The following HYPK variants were observed in gnomAD, a reference collection of about 807,000 sequenced individuals.
The protein encoded by HYPK is huntingtin interacting protein K, also known as huntingtin-interacting protein K.
In HYPK, 9 loss-of-function variants were observed where a neutral mutation model predicts 13.9. That is an observed-to-expected ratio of 0.65 (90% CI 0.39 to 1.13). HYPK has a LOEUF of 1.13. Among genes scored for constraint, HYPK ranks in the 50% most tolerant of loss-of-function variants. HYPK has a pLI of 0.01. For synonymous variants in HYPK, 76 were observed against 57.0 expected, an observed-to-expected ratio of 1.33 and a Z score of -1.50; for missense variants, 138 against 157.6, an observed-to-expected ratio of 0.88 and a Z score of 0.67.
rs1054689176 is a variant in HYPK, at chr15:43,803,583, A to T, written c.*1777A>T. On this transcript the variant is annotated 3_prime_UTR_variant, in exon 4 of 4. Coordinates refer to ENST00000442995, the MANE Select transcript of HYPK (RefSeq NM_016400.4). ...GGCAGGTGGATCACCTGGGATCAGG[A>T]GTTTGAGACGAGCCTGGCCAAAATG... Among the ~76,000 whole-genome samples the T allele has an allele frequency of 6.6e-6, 1 of 152,122 alleles. No homozygotes were observed. Among genetic ancestry groups the T allele is most frequent in the Non-Finnish European group, 1.5e-5 (1 of 68,028 alleles).
At chr15:43,800,480 CCTTCCTCCCTGAAG>C (rs775246866), upstream of HYPK, 39 of 1,143,160 alleles carry the variant, frequency 3.4e-5, no homozygotes, top group African/African-American at 5.7e-4. Flanking sequence ...AGACGAACCG[CCTTCCTCCCTGAAG>C]CTTCTAGAAC....
rs2087338381 is a variant in HYPK, at chr15:43,803,247, C to T, written c.*1441C>T. ...CTACTAAAATTAAAAAAAAAAAAAG[C>T]CAGGCATGGTGGCATGTGCCTGTCT... On this transcript the variant is annotated 3_prime_UTR_variant, in exon 4 of 4. Coordinates refer to ENST00000442995, the MANE Select transcript of HYPK (RefSeq NM_016400.4). Among the ~76,000 whole-genome samples the T allele has an allele frequency of 6.6e-6, 1 of 151,206 alleles. No homozygotes were observed. The highest frequency in any genetic ancestry group is 2.4e-5 in the African/African-American group (1 of 41,130).
chr15:43,800,608 C>G lies in HYPK; in HGVS notation c.-15C>G. 2 of 1,613,920 alleles carry G rather than the reference C, an allele frequency of 1.2e-6. No individual in the cohort carries two copies. The highest frequency in any genetic ancestry group is 1.7e-6 in the Non-Finnish European group (2 of 1,179,974). On this transcript the variant is annotated 5_prime_UTR_variant, in exon 1 of 4. Coordinates refer to ENST00000442995, the MANE Select transcript of HYPK (RefSeq NM_016400.4). ...GCGTGAGGTGGGGCTTATGCGGCGG[C>G]GTGGTGAAATAGATATGGCGACCGA...
At position 43,802,573 on chromosome 15, in the gene HYPK, A is replaced by G. The variant is rs1385248404; in HGVS notation, c.*767A>G. On this transcript the variant is annotated 3_prime_UTR_variant, in exon 4 of 4. Transcript: ENST00000442995. Reference sequence around the variant, plus strand: ...GGAAAGAGTGAAACTCCATCTCAAAAAAAAAAAAAAAAAAAAAAGCCCGGG... The same window carrying G: ...GGAAAGAGTGAAACTCCATCTCAAAGAAAAAAAAAAAAAAAAAAGCCCGGG... 5.0e-5 allele frequency: 7 copies of G among 141,050 alleles called. No homozygotes were observed. Among genetic ancestry groups the G allele is most frequent in the Non-Finnish European group, 9.0e-5 (6 of 66,318 alleles). 8.7% of individuals were successfully genotyped at this position (141,050 alleles called of 1,614,324 possible).
rs1344570150 is a variant in HYPK, at chr15:43,803,742, C to T, written c.*1936C>T. On this transcript the variant is annotated 3_prime_UTR_variant, in exon 4 of 4. Coordinates refer to ENST00000442995, the MANE Select transcript of HYPK (RefSeq NM_016400.4). ...CCAGGAGGTTGCAGTGAGCAGAGATCGCGCCACTGCACTCCAGACTGGGCA... is the reference window on the plus strand; with the variant it reads ...CCAGGAGGTTGCAGTGAGCAGAGATTGCGCCACTGCACTCCAGACTGGGCA... Among the ~76,000 whole-genome samples, 5 of 142,532 alleles carry T rather than the reference C, an allele frequency of 3.5e-5. No homozygotes were observed. Among genetic ancestry groups the T allele is most frequent in the East Asian group, 2.2e-4 (1 of 4,638 alleles). The allele number at this position is 142,532 out of a possible 152,430, so 93.5% of individuals were successfully genotyped here.
Position 43,804,104 on chromosome 15 carries a change from C to CA in HYPK, c.*2308dup, listed in dbSNP as rs72065548. 2.0e-3 allele frequency among the ~76,000 whole-genome samples: 291 copies of CA among 148,024 alleles called. 1 individual carries two copies. Among genetic ancestry groups the CA allele is most frequent in the South Asian group, 0.016 (74 of 4,686 alleles). Reference sequence around the variant, plus strand: ...CGTCTCTTTAAAACAAACAAACAAACAAAAAAAAAACCCTGCAACGGCCCC... The same window carrying CA: ...CGTCTCTTTAAAACAAACAAACAAACAAAAAAAAAAACCCTGCAACGGCCCC... On this transcript the variant is annotated 3_prime_UTR_variant, in exon 4 of 4. Coordinates refer to ENST00000442995, the MANE Select transcript of HYPK (RefSeq NM_016400.4).
In HYPK at chr15:43,801,564, C is replaced by CT. The variant is rs1224945001; in HGVS notation, c.266dup (p.Ile90AsnfsTer4). The CT allele has an allele frequency of 3.7e-6, 6 of 1,613,806 alleles. No individual in the cohort carries two copies. The highest frequency in any genetic ancestry group is 5.1e-6 in the Non-Finnish European group (6 of 1,179,692). ...CACTATCAAGAAGGAAGATCTGGAG[C>CT]TAATAGTGAGTGGTAGTGCCTAACT... is the stretch of plus-strand genomic sequence containing the variant. On this transcript the variant is annotated frameshift_variant, in exon 3 of 4. Transcript: ENST00000442995. LOFTEE classifies it high-confidence loss of function.
rs2087323543 is a variant in HYPK, at chr15:43,801,997, TGTA to T, written c.*193_*195del. The T allele has an allele frequency of 2.0e-5, 12 of 595,856 alleles. 1 individual carries two copies. The South Asian group carries it at 2.4e-4, about 12-fold the overall frequency. The allele number at this position is 595,856 out of a possible 1,614,324, so 36.9% of individuals were successfully genotyped here. On this transcript the variant is annotated 3_prime_UTR_variant, in exon 4 of 4. Coordinates refer to ENST00000442995, the MANE Select transcript of HYPK (RefSeq NM_016400.4). Reference sequence around the variant, plus strand: ...CTAGCACACCTGTATGAAAAATCAGTGTAGAAGAATACCTCATGTGCAGATGCT... The same window carrying T: ...CTAGCACACCTGTATGAAAAATCAGTGAAGAATACCTCATGTGCAGATGCT...
Position 43,801,727 on chromosome 15 carries a change from T to G in HYPK, c.287T>G (p.Ile96Arg). ...TTTCTGCAGATGACTGAGATGGAGA[T>G]ATCTCGAGCAGCAGCAGAACGCAGT... ...DLELIMTEME[I>R]SRAAAERSLR... Residue 96 changes from isoleucine to arginine, a missense_variant, in exon 4 of 4, where the codon ATA (isoleucine) becomes AGA (arginine). Physicochemically the swap from Ile to Arg is moderately conservative, Grantham distance 97. Transcript: ENST00000442995. The G allele has an allele frequency of 6.2e-7, 1 of 1,614,200 alleles. No homozygotes were observed. The highest frequency in any genetic ancestry group is 8.5e-7 in the Non-Finnish European group (1 of 1,180,032).
Position 43,801,557 on chromosome 15 carries a change from T to A in HYPK, c.258T>A (p.Asp86Glu). 1 of 1,613,858 alleles carries A rather than the reference T, an allele frequency of 6.2e-7. No homozygotes were observed. Among genetic ancestry groups the A allele is most frequent in the Non-Finnish European group, 8.5e-7 (1 of 1,179,710 alleles). ...CAAAAGTCACTATCAAGAAGGAAGA[T>A]CTGGAGCTAATAGTGAGTGGTAGTG... ...ELAKVTIKKE[D>E]LELIMTEMEI... The change falls in exon 3 of 4, where the codon GAT (aspartate) becomes GAA (glutamate). Residue 86 changes from aspartate to glutamate, a missense_variant. By Grantham distance (45) the Asp-to-Glu change is conservative (BLOSUM62 2). Around this residue, in one of 3 missense-constraint regions of HYPK, gnomAD observed 91 missense variants for 96.8 expected, o/e 0.94. Transcript: ENST00000442995.
At chr15:43,801,006 A>G in intron 1 of HYPK, 126 bp from the exon 2 acceptor site, 1 of 940,118 alleles carries the variant, frequency 1.1e-6, no homozygotes, top group South Asian at 1.4e-5. Flanking sequence ...GGAATTAAAC[A>G]TAGTCCTTGC....
In HYPK at chr15:43,801,861, T is replaced by G; in HGVS notation, c.*55T>G. 1 of 1,519,154 alleles carries G rather than the reference T, an allele frequency of 6.6e-7. No homozygotes were observed. The highest frequency in any genetic ancestry group is 1.1e-5 in the South Asian group (1 of 88,640). 94.1% of individuals were successfully genotyped at this position (1,519,154 alleles called of 1,614,324 possible). A position where few individuals can be genotyped will look rare whatever the true frequency, so the allele number is the denominator to read the frequency against. On this transcript the variant is annotated 3_prime_UTR_variant, in exon 4 of 4. Transcript: ENST00000442995. ...TTAATTTATGGCAATAAAATTTTTT[T>G]TTGTCTTTTTCAGTTTTATCATCTT...
In HYPK at chr15:43,800,833, C is replaced by A. The variant is rs769152992; in HGVS notation, c.162+49C>A. ...GGGGCGGGCTGAGAGCAGAGGGGGG[C>A]TCTGAGGCTGTAGCTGGAAGCCAGC... On this transcript the variant is annotated intron_variant, in intron 1 of 3. Coordinates refer to ENST00000442995, the MANE Select transcript of HYPK (RefSeq NM_016400.4). 4 of 1,506,498 alleles carry A rather than the reference C, an allele frequency of 2.7e-6. No homozygotes were observed. In the South Asian group the frequency reaches 3.7e-5, roughly 14 times the overall value. 93.3% of individuals were successfully genotyped at this position (1,506,498 alleles called of 1,614,324 possible). A position where few individuals can be genotyped will look rare whatever the true frequency, so the allele number is the denominator to read the frequency against.
At position 43,801,229 on chromosome 15, in the gene HYPK, C is replaced by T. The variant is rs200455266; in HGVS notation, c.218+42C>T. On this transcript the variant is annotated intron_variant, in intron 2 of 3. Transcript: ENST00000442995. The stretch of plus-strand genomic sequence containing the variant: ...AGCCAACTTTAACAGTTCTTCCCTC[C>T]CCGGTCCCCAGACAAAAATAAAAAC... 2,075 of 1,523,994 alleles carry T rather than the reference C, an allele frequency of 1.4e-3. 2 individuals are homozygous for T. Among genetic ancestry groups the T allele is most frequent in the Non-Finnish European group, 1.7e-3 (1,917 of 1,098,302 alleles). The allele number at this position is 1,523,994 out of a possible 1,614,324, so 94.4% of individuals were successfully genotyped here. A position where few individuals can be genotyped will look rare whatever the true frequency, so the allele number is the denominator to read the frequency against.
rs1262374972 is a variant in HYPK, at chr15:43,801,756, C to CGGGA, written c.317_320dup (p.His108GlyfsTer63). 5 of 1,614,066 alleles carry CGGGA rather than the reference C, an allele frequency of 3.1e-6. No homozygotes were observed. The highest frequency in any genetic ancestry group is 1.3e-5 in the African/African-American group (1 of 74,930). On this transcript the variant is annotated frameshift_variant, in exon 4 of 4. Transcript: ENST00000442995. LOFTEE classifies it high-confidence loss of function. The stretch of plus-strand genomic sequence containing the variant: ...TCGAGCAGCAGCAGAACGCAGTTTG[C>CGGGA]GGGAACACATGGGCAACGTGGTAGA...
chr15:43,803,494 T>TAA lies in HYPK; in HGVS notation c.*1690_*1691dup, dbSNP rs1168279590. 6.6e-6 allele frequency among the ~76,000 whole-genome samples: 1 copy of TAA among 151,902 alleles called. No individual in the cohort carries two copies. Among genetic ancestry groups the TAA allele is most frequent in the Non-Finnish European group, 1.5e-5 (1 of 67,976 alleles). ...TCCTAGAGAGAAGGTAATTTTACTTTAAAGGTTAATCAGGGCCGGGCGTGG... is the reference window on the plus strand; with the variant it reads ...TCCTAGAGAGAAGGTAATTTTACTTTAAAAAGGTTAATCAGGGCCGGGCGTGG... On this transcript the variant is annotated 3_prime_UTR_variant, in exon 4 of 4. Coordinates refer to ENST00000442995, the MANE Select transcript of HYPK (RefSeq NM_016400.4).
rs912873908 is a variant in HYPK at position 43,803,385 on chromosome 15, T to C, written c.*1579T>C. On this transcript the variant is annotated 3_prime_UTR_variant, in exon 4 of 4. Coordinates refer to ENST00000442995, the MANE Select transcript of HYPK (RefSeq NM_016400.4). ...TCCAGCCTGGGCGACAGAGCAAGAC[T>C]GTCTCAAAACGAAAAAAACCTATGA... 3.3e-5 allele frequency among the ~76,000 whole-genome samples: 5 copies of C among 151,950 alleles called. No homozygotes were observed. The highest frequency in any genetic ancestry group is 7.4e-5 in the Non-Finnish European group (5 of 67,984).
Position 43,801,207 on chromosome 15 carries a change from C to T in HYPK, c.218+20C>T. 6.2e-7 allele frequency: 1 copy of T among 1,604,950 alleles called. No individual in the cohort carries two copies. The highest frequency in any genetic ancestry group is 1.7e-5 in the Admixed American group (1 of 59,978). Reference sequence around the variant, plus strand: ...GGAGCGGTAAGTCTTCAGGGGCAGCCAACTTTAACAGTTCTTCCCTCCCCG... The same window carrying T: ...GGAGCGGTAAGTCTTCAGGGGCAGCTAACTTTAACAGTTCTTCCCTCCCCG... On this transcript the variant is annotated intron_variant, in intron 2 of 3. Transcript: ENST00000442995.
At position 43,801,747 on chromosome 15, in the gene HYPK, C is replaced by A. The variant is rs781154272; in HGVS notation, c.307C>A (p.Arg103Ser). The A allele has an allele frequency of 6.2e-7, 1 of 1,614,250 alleles. No homozygotes were observed. The highest frequency in any genetic ancestry group is 8.5e-7 in the Non-Finnish European group (1 of 1,180,050). ...EMEISRAAAERSLREHMGNVV... is the reference protein window; with the variant it reads ...EMEISRAAAESSLREHMGNVV... ...GGAGATATCTCGAGCAGCAGCAGAA[C>A]GCAGTTTGCGGGAACACATGGGCAA... Residue 103 changes from arginine to serine, a missense_variant, in exon 4 of 4, where the codon CGC (arginine) becomes AGC (serine). Physicochemically the swap from Arg to Ser is moderately radical, Grantham distance 110. Transcript: ENST00000442995.
Sources: allele counts gnomAD v4.1 joint callset (sites outside exome capture counted in the v4.1 genomes callset), GRCh38; gene constraint gnomAD v4.1.1; regional missense constraint gnomAD v4.1.1; transcripts MANE v1.5; gene names NCBI Gene and HGNC (gene_info 2026-07-23, HGNC 2026-07-21).